CYP1A2: variants seen among roughly 807,000 people sequenced by gnomAD.
The protein encoded by CYP1A2 is cytochrome P450 1A2.
Under a neutral mutation model 34.7 loss-of-function variants are expected in CYP1A2, and 35 were observed. The ratio of observed to expected loss-of-function variants is 1.01; its 90% CI spans 0.77 to 1.34. The LOEUF (loss-of-function observed/expected upper bound fraction) is 1.34, where lower values mean the gene tolerates loss of function less well. Among genes scored for constraint, CYP1A2 ranks in the 40% most tolerant of loss-of-function variants. The pLI is 0.00. For synonymous variants in CYP1A2, 288 were observed against 281.9 expected, an observed-to-expected ratio of 1.02 and a Z score of -0.22; for missense variants, 675 against 675.8, an observed-to-expected ratio of 1.00 and a Z score of 0.01.
chr15:74,752,310 T>C, intron 5 of CYP1A2, 63 bp downstream of exon 5: 1 of 1,597,344 alleles, frequency 6.3e-7, no homozygotes, highest in Non-Finnish European at 8.5e-7. Context: ...TCTTCCTGGC[T>C]TCTCAGCCCT....
At position 74,750,380 on chromosome 15, in the gene CYP1A2, T is replaced by C; in HGVS notation, c.642T>C (p.Asp214=). ...GACAGCACTTCCCTGAGAGTAGCGA[T>C]GAGATGCTCAGCCTCGTGAAGAACA... ...CFGQHFPESS[D]EMLSLVKNTH... Residue 214 remains aspartate (D), a synonymous_variant, in exon 2 of 7, where the codon GAT becomes GAC. Transcript: ENST00000343932. The C allele has an allele frequency of 1.2e-6, 2 of 1,614,136 alleles. No individual in the cohort carries two copies. Among genetic ancestry groups the C allele is most frequent in the South Asian group, 2.2e-5 (2 of 91,078 alleles).
Position 74,749,975 on chromosome 15 carries a change from C to A in CYP1A2, c.237C>A (p.Arg79=), listed in dbSNP as rs1374322474. ...GCTACGGGGACGTCCTGCAGATCCG[C>A]ATTGGCTCCACGCCCGTGCTGGTGC... ...SQRYGDVLQI[R]IGSTPVLVLS... Residue 79 remains arginine, a synonymous_variant, in exon 2 of 7, where the codon CGC becomes CGA. Transcript: ENST00000343932. The A allele has an allele frequency of 6.2e-7, 1 of 1,614,092 alleles. No individual in the cohort carries two copies. Among genetic ancestry groups the A allele is most frequent in the South Asian group, 1.1e-5 (1 of 91,068 alleles).
Position 74,752,237 on chromosome 15 carries a change from A to G in CYP1A2, c.1156A>G (p.Ile386Val), listed in dbSNP as rs72547516. 1,717 of 1,613,764 alleles carry G rather than the reference A, an allele frequency of 1.1e-3. 7 individuals carry two copies. The highest frequency in any genetic ancestry group is 5.8e-3 in the South Asian group (529 of 91,060). The part of the protein sequence containing the change: ...FRHSSFLPFT[I>V]PHSTTRDTTL... ...ACACTCCTCCTTCTTGCCCTTCACC[A>G]TCCCCCACAGGTGAGGCCTGCCGGT... is the stretch of plus-strand genomic sequence containing the variant. Residue 386 changes from isoleucine to valine, a missense_variant, in exon 5 of 7, where the codon ATC (isoleucine) becomes GTC (valine). Physicochemically the swap from Ile to Val is conservative, Grantham distance 29. Coordinates refer to ENST00000343932, the MANE Select transcript of CYP1A2 (RefSeq NM_000761.5).
At chr15:74,753,942 G>A (rs1258479808) in intron 6 of CYP1A2, among the ~76,000 whole-genome samples, 4 of 152,120 alleles carry the variant, frequency 2.6e-5, no homozygotes, top group African/African-American at 9.7e-5. Flanking sequence ...GTGTGAAAAT[G>A]CTATCAATGT....
At position 74,751,756 on chromosome 15, in the gene CYP1A2, A is replaced by G. The variant is rs371640523; in HGVS notation, c.953-9A>G. 1.2e-6 allele frequency: 2 copies of G among 1,612,960 alleles called. No individual in the cohort carries two copies. The highest frequency in any genetic ancestry group is 1.7e-6 in the Non-Finnish European group (2 of 1,179,530). On this transcript the variant is annotated splice_polypyrimidine_tract_variant and intron_variant, in intron 3 of 6. Coordinates refer to ENST00000343932, the MANE Select transcript of CYP1A2 (RefSeq NM_000761.5). ...TCCTTCTTTCCTCACCTTACACTAC[A>G]CGGTTCAGGATTTGACACAGTCACC...
Position 74,750,027 on chromosome 15 carries a change from G to A in CYP1A2, c.289G>A (p.Ala97Thr), listed in dbSNP as rs545726003. 3.1e-6 allele frequency: 5 copies of A among 1,614,084 alleles called. No individual in the cohort carries two copies. In the South Asian group the frequency reaches 5.5e-5, roughly 18 times the overall value. Residue 97 changes from alanine to threonine, a missense_variant, in exon 2 of 7, where the codon GCC (alanine) becomes ACC (threonine). By Grantham distance (58) the Ala-to-Thr change is moderately conservative (BLOSUM62 0). Transcript: ENST00000343932. ...GAGCCGCCTGGACACCATCCGGCAG[G>A]CCCTGGTGCGGCAGGGCGACGATTT... ...VLSRLDTIRQALVRQGDDFKG... is the reference protein window; with the variant it reads ...VLSRLDTIRQTLVRQGDDFKG...
At chr15:74,753,058 C>A in intron 5 of CYP1A2, 126 bp from the exon 6 acceptor site, 1 of 630,164 alleles carries the variant, frequency 1.6e-6, no homozygotes. Context: ...CCCTGTTCCT[C>A]CCCTCCCCTC....
rs369511887 is a variant in CYP1A2 at position 74,750,297 on chromosome 15, G to A, written c.559G>A (p.Asp187Asn). Residue 187 changes from aspartate to asparagine, a missense_variant, in exon 2 of 7, where the codon GAC (aspartate) becomes AAC (asparagine). Asp to Asn is a conservative substitution (Grantham distance 23). Coordinates refer to ENST00000343932, the MANE Select transcript of CYP1A2 (RefSeq NM_000761.5). ...GCTGATGGCAGGGCCTGGGCACTTCGACCCTTACAATCAGGTGGTGGTGTC... is the reference window on the plus strand; with the variant it reads ...GCTGATGGCAGGGCCTGGGCACTTCAACCCTTACAATCAGGTGGTGGTGTC... Reference protein sequence around the residue: ...QELMAGPGHFDPYNQVVVSVA... With the variant: ...QELMAGPGHFNPYNQVVVSVA... The A allele has an allele frequency of 2.5e-4, 397 of 1,613,894 alleles. 1 individual carries two copies. Among genetic ancestry groups the A allele is most frequent in the Admixed American group, 4.2e-4 (25 of 60,014 alleles).
Position 74,751,307 on chromosome 15 carries a change from C to G in CYP1A2, c.950C>G (p.Ala317Gly). The G allele has an allele frequency of 6.2e-7, 1 of 1,614,034 alleles. No homozygotes were observed. ...IVNLVNDIFG[A>G]GFDTVTTAIS... ...AACCTTGTCAATGACATCTTTGGAG[C>G]AGGTAGGAACCAGAACCTTGCCCCT... Residue 317 changes from alanine to glycine, a missense_variant and splice_region_variant, in exon 3 of 7, where the codon GCA (alanine) becomes GGA (glycine). Transcript: ENST00000343932.
chr15:74,751,860 T>A lies in CYP1A2; in HGVS notation c.1042+6T>A, dbSNP rs752546701. On this transcript the variant is annotated splice_donor_region_variant and intron_variant, in intron 4 of 6. Transcript: ENST00000343932. The stretch of plus-strand genomic sequence containing the variant: ...GAAGATCCAGAAGGAGCTGGGTACA[T>A]GGGGGCCCCCAACCCTATAGCCAGG... The A allele has an allele frequency of 6.2e-7, 1 of 1,613,606 alleles. No individual in the cohort carries two copies. Among genetic ancestry groups the A allele is most frequent in the Non-Finnish European group, 8.5e-7 (1 of 1,179,808 alleles).
intron 2 of CYP1A2, 128 bp from the exon 3 acceptor site, chr15:74,751,061 C>CAAGT: frequency 7.5e-7 from 1 of 1,332,012 alleles, no homozygotes. Flanking sequence ...CTGCAACCCC[C>CAAGT]TGCCTAGAGA....
chr15:74,750,414 T>A lies in CYP1A2; in HGVS notation c.676T>A (p.Phe226Ile). The A allele has an allele frequency of 6.2e-7, 1 of 1,614,006 alleles. No individual in the cohort carries two copies. Among genetic ancestry groups the A allele is most frequent in the South Asian group, 1.1e-5 (1 of 91,076 alleles). ...CAGCCTCGTGAAGAACACTCATGAGTTCGTGGAGACTGCCTCCTCCGGGAA... is the reference window on the plus strand; with the variant it reads ...CAGCCTCGTGAAGAACACTCATGAGATCGTGGAGACTGCCTCCTCCGGGAA... ...MLSLVKNTHE[F>I]VETASSGNPL... The change falls in exon 2 of 7, where the codon TTC (phenylalanine) becomes ATC (isoleucine). Residue 226 changes from phenylalanine (F) to isoleucine (I), a missense_variant. Transcript: ENST00000343932.
intron 5 of CYP1A2, 57 bp downstream of exon 5, chr15:74,752,304 C>T (rs1164313772): frequency 2.1e-5 from 34 of 1,601,844 alleles, no homozygotes; most frequent in South Asian, 1.1e-4. Context: ...GTTTTCTCTT[C>T]CTGGCTTCTC....
chr15:74,751,666 G>T, intron 3 of CYP1A2, 99 bp from the exon 4 acceptor site: 1 of 1,228,558 alleles, frequency 8.1e-7, no homozygotes, highest in Non-Finnish European at 1.2e-6. Context: ...TAGGGCCAGA[G>T]AAAGCTAATG....
At chr15:74,754,727 C>A in intron 6 of CYP1A2, 64 bp from the exon 7 acceptor site, 1 of 1,538,304 alleles carries the variant, frequency 6.5e-7, no homozygotes, top group Non-Finnish European at 8.9e-7. Flanking sequence ...GTCTCCCTCC[C>A]CCAGGCACCT....
Position 74,753,247 on chromosome 15 carries a change from C to G in CYP1A2, c.1230C>G (p.Asn410Lys), listed in dbSNP as rs1233676520. 6.2e-7 allele frequency: 1 copy of G among 1,613,914 alleles called. No individual in the cohort carries two copies. Among genetic ancestry groups the G allele is most frequent in the Non-Finnish European group, 8.5e-7 (1 of 1,179,866 alleles). Residue 410 changes from asparagine to lysine, a missense_variant, in exon 6 of 7, where the codon AAC becomes AAG. Physicochemically the swap from Asn to Lys is moderately conservative, Grantham distance 94. Transcript: ENST00000343932. ...CCAAGAAATGCTGTGTCTTCGTAAA[C>G]CAGTGGCAGGTCAACCATGACCCGT... is the stretch of plus-strand genomic sequence containing the variant. ...YIPKKCCVFV[N>K]QWQVNHDPEL...
At chr15:74,750,719 ACT>A in intron 2 of CYP1A2, 150 bp downstream of exon 2, 1 of 658,996 alleles carries the variant, frequency 1.5e-6, no homozygotes, top group Non-Finnish European at 2.6e-6. Flanking sequence ...CCTGGAGCCG[ACT>A]CTTCCCCTTC....
chr15:74,750,253 T>C lies in CYP1A2; in HGVS notation c.515T>C (p.Leu172Pro). 6.2e-7 allele frequency: 1 copy of C among 1,614,232 alleles called. No homozygotes were observed. Among genetic ancestry groups the C allele is most frequent in the South Asian group, 1.1e-5 (1 of 91,088 alleles). Residue 172 changes from leucine (L) to proline (P), a missense_variant, in exon 2 of 7, where the codon CTG (leucine) becomes CCG (proline). Physicochemically the swap from Leu to Pro is moderately conservative, Grantham distance 98. Coordinates refer to ENST00000343932, the MANE Select transcript of CYP1A2 (RefSeq NM_000761.5). Reference sequence around the variant, plus strand: ...CATGTGAGCAAGGAGGCTAAGGCCCTGATCAGCAGGTTGCAGGAGCTGATG... The same window carrying C: ...CATGTGAGCAAGGAGGCTAAGGCCCCGATCAGCAGGTTGCAGGAGCTGATG... ...EEHVSKEAKA[L>P]ISRLQELMAG...
chr15:74,754,287 A>G (rs1419543360), intron 6 of CYP1A2, among the ~76,000 whole-genome samples: 4 of 151,982 alleles, frequency 2.6e-5, no homozygotes, highest in Non-Finnish European at 5.9e-5. Flanking sequence ...AAGGCTGGTC[A>G]TTTTAGAGAG....
Sources: allele counts gnomAD v4.1 joint callset (sites outside exome capture counted in the v4.1 genomes callset), GRCh38; gene constraint gnomAD v4.1.1; transcripts MANE v1.5; gene names NCBI Gene and HGNC (gene_info 2026-07-23, HGNC 2026-07-21).